The following DLC1 variants were observed in gnomAD, a reference collection of about 807,000 sequenced individuals.
DLC1 encodes the protein rho GTPase-activating protein 7.
Under a neutral mutation model 140.3 loss-of-function variants are expected in DLC1, and 54 were observed. The ratio of observed to expected loss-of-function variants is 0.38; its 90% CI spans 0.31 to 0.48. The LOEUF (loss-of-function observed/expected upper bound fraction) is 0.48, where lower values mean the gene tolerates loss of function less well. DLC1 is among the 20% of genes least tolerant of loss of function. The probability of loss-of-function intolerance (pLI) is 0.96; values close to 1 mark genes in which losing one functional copy is unlikely to be tolerated. For synonymous variants in DLC1, 986 were observed against 728.1 expected, an observed-to-expected ratio of 1.35 and a Z score of -5.70; for missense variants, 2,536 against 1,907.0, an observed-to-expected ratio of 1.33 and a Z score of -6.14.
intron 7 of DLC1, among the ~76,000 whole-genome samples, chr8:13,110,010 C>G (rs1015440532): frequency 2.0e-5 from 3 of 151,930 alleles, no homozygotes; most frequent in Non-Finnish European, 4.4e-5. Flanking sequence ...ATTTTTTTCC[C>G]CCAGAATTCA....
chr8:13,580,343 G>T, intron 1 of DLC1, among the ~76,000 whole-genome samples: 1 of 152,080 alleles, frequency 6.6e-6, no homozygotes, highest in Middle Eastern at 3.2e-3. Context: ...GGATGGCCTC[G>T]ATCGCCTGAC....
intron 1 of DLC1, among the ~76,000 whole-genome samples, chr8:13,570,004 G>T (rs904593977): frequency 6.6e-6 from 1 of 152,174 alleles, no homozygotes; most frequent in African/African-American, 2.4e-5. Flanking sequence ...GGGATTGCAG[G>T]CACGAGCCAC....
intron 4 of DLC1, among the ~76,000 whole-genome samples, chr8:13,343,865 G>C (rs1328260318): frequency 6.6e-6 from 1 of 152,086 alleles, no homozygotes; most frequent in African/African-American, 2.4e-5. Context: ...GGCTACAGTA[G>C]GTGAATCTAA....
At position 13,193,491 on chromosome 8, in the gene DLC1, A is replaced by G. The variant is rs1017006267; in HGVS notation, c.1349-77834T>C. 5.3e-5 allele frequency among the ~76,000 whole-genome samples: 8 copies of G among 152,142 alleles called. No individual in the cohort carries two copies. The East Asian group carries it at 1.5e-3, about 29-fold the overall frequency. Reference sequence around the variant, plus strand: ...ATCTGTACTAAGTACAGATATAAAGAGCATAACAACTATGGCTGGAATCCC... The same window carrying G: ...ATCTGTACTAAGTACAGATATAAAGGGCATAACAACTATGGCTGGAATCCC... On this transcript the variant is annotated intron_variant, in intron 5 of 17. Coordinates refer to ENST00000276297, the MANE Select transcript of DLC1 (RefSeq NM_182643.3).
intron 5 of DLC1, among the ~76,000 whole-genome samples, chr8:13,146,362 T>A (rs191822204): frequency 3.9e-5 from 6 of 152,284 alleles, no homozygotes; most frequent in African/African-American, 1.2e-4. Context: ...ACTCTTTTTT[T>A]TTAATCAGTA....
intron 4 of DLC1, among the ~76,000 whole-genome samples, chr8:13,314,689 T>A (rs549289694): frequency 2.0e-5 from 3 of 152,338 alleles, no homozygotes; most frequent in African/African-American, 7.2e-5. Context: ...AGGCTTCTGG[T>A]AGAAGCTCAA....
chr8:13,243,155 T>C (rs994073245), intron 5 of DLC1, among the ~76,000 whole-genome samples: 1 of 151,938 alleles, frequency 6.6e-6, no homozygotes, highest in Non-Finnish European at 1.5e-5. Context: ...CCAAGCATGG[T>C]GGCACATGCC....
At chr8:13,184,613 G>C (rs1485072252) in intron 5 of DLC1, among the ~76,000 whole-genome samples, 2 of 152,184 alleles carry the variant, frequency 1.3e-5, no homozygotes, top group African/African-American at 2.4e-5. Context: ...GTGGTTTTGA[G>C]TTAGTTTTGT....
intron 2 of DLC1, among the ~76,000 whole-genome samples, chr8:13,462,672 C>T (rs917460328): frequency 2.0e-5 from 3 of 152,146 alleles, no homozygotes; most frequent in African/African-American, 7.2e-5. Flanking sequence ...TCCCAAAGTG[C>T]TGGGATTACA....
chr8:13,297,540 ACATTTG>A (rs1191947180), intron 5 of DLC1, among the ~76,000 whole-genome samples: 2 of 152,068 alleles, frequency 1.3e-5, no homozygotes, highest in African/African-American at 4.8e-5. Context: ...ATAGAGCAAA[ACATTTG>A]CTGATTTTTA....
At chr8:13,315,559 C>T (rs1023238321) in intron 4 of DLC1, among the ~76,000 whole-genome samples, 1 of 152,196 alleles carries the variant, frequency 6.6e-6, no homozygotes, top group South Asian at 2.1e-4. Flanking sequence ...ATGTTGGGGC[C>T]TTTCAATTGC....
chr8:13,251,407 C>G (rs1054832719), intron 5 of DLC1, among the ~76,000 whole-genome samples: 3 of 152,088 alleles, frequency 2.0e-5, no homozygotes, highest in Non-Finnish European at 2.9e-5. Flanking sequence ...TGATACCAAT[C>G]TGGTATCAAT....
intron 1 of DLC1, among the ~76,000 whole-genome samples, chr8:13,560,770 G>C (rs116483103): frequency 7.3e-4 from 111 of 152,126 alleles, no homozygotes; most frequent in South Asian, 2.3e-3. Context: ...GTCCCTGTGG[G>C]GGGGGAGGGA....
intron 1 of DLC1, among the ~76,000 whole-genome samples, chr8:13,566,492 T>G (rs2117395304): frequency 6.6e-6 from 1 of 152,248 alleles, no homozygotes; most frequent in East Asian, 1.9e-4. Context: ...CTCTTGGCTA[T>G]AAACACTGCA....
intron 5 of DLC1, chr8:13,132,906 C>G: frequency 6.4e-7 from 1 of 1,570,520 alleles, no homozygotes; most frequent in Non-Finnish European, 8.6e-7. Flanking sequence ...AGCCCGCTCC[C>G]GCGGCCAGCC....
chr8:13,254,258 A>C lies in DLC1; in HGVS notation c.1348+51011T>G, dbSNP rs76143922. Among the ~76,000 whole-genome samples the C allele has an allele frequency of 1.6e-3, 250 of 152,160 alleles. 3 individuals are homozygous for C. In the East Asian group the frequency reaches 0.028, roughly 17 times the overall value. On this transcript the variant is annotated intron_variant, in intron 5 of 17. Coordinates refer to ENST00000276297, the MANE Select transcript of DLC1 (RefSeq NM_182643.3). ...CAACGGGGAAAACTGTGACTATAAA[A>C]ATGAGAAGTAACTAGTCTTGAGCTT... is the stretch of plus-strand genomic sequence containing the variant.
chr8:13,430,376 A>C (rs1423350620), intron 2 of DLC1, among the ~76,000 whole-genome samples: 2 of 152,228 alleles, frequency 1.3e-5, no homozygotes, highest in Non-Finnish European at 2.9e-5. Context: ...AGAAGTAAAT[A>C]TGTGATCATT....
intron 1 of DLC1, among the ~76,000 whole-genome samples, chr8:13,598,311 C>G (rs1404399166): frequency 2.6e-5 from 4 of 151,786 alleles, no homozygotes; most frequent in South Asian, 2.1e-4. Flanking sequence ...TAGGGTTGCC[C>G]TGTGCTGAGC....
At chr8:13,235,009 A>G (rs1829215590) in intron 5 of DLC1, among the ~76,000 whole-genome samples, 1 of 152,030 alleles carries the variant, frequency 6.6e-6, no homozygotes, top group African/African-American at 2.4e-5. Flanking sequence ...TGTCTGTTAA[A>G]TTTGTTACTA....
Sources: allele counts gnomAD v4.1 joint callset (sites outside exome capture counted in the v4.1 genomes callset), GRCh38; gene constraint gnomAD v4.1.1; transcripts MANE v1.5; gene names NCBI Gene and HGNC (gene_info 2026-07-23, HGNC 2026-07-21).